The following MAP3K7 variants were observed in gnomAD, a reference collection of about 807,000 sequenced individuals.
MAP3K7 encodes TGF-beta activated kinase 1.
Under a neutral mutation model 84.8 loss-of-function variants are expected in MAP3K7, and 21 were observed. The ratio of observed to expected loss-of-function variants is 0.25; its 90% CI spans 0.18 to 0.36. The LOEUF (loss-of-function observed/expected upper bound fraction) is 0.36, where lower values mean the gene tolerates loss of function less well. MAP3K7 is among the 10% of genes least tolerant of loss of function. The pLI, the probability that MAP3K7 is intolerant of heterozygous loss-of-function variation, is 1.00. For synonymous variants in MAP3K7, 241 were observed against 247.7 expected, an observed-to-expected ratio of 0.97 and a Z score of 0.25; for missense variants, 503 against 747.7, an observed-to-expected ratio of 0.67 and a Z score of 3.82.
chr6:90,553,666 A>G, intron 6 of MAP3K7, 80 bp from the exon 7 acceptor site: 1 of 1,234,652 alleles, frequency 8.1e-7, no homozygotes, highest in African/African-American at 1.5e-5. Flanking sequence ...AAATTTTGAG[A>G]ATGGGTATCA....
At chr6:90,572,281 T>C (rs373481904) in intron 1 of MAP3K7, among the ~76,000 whole-genome samples, 4 of 152,004 alleles carry the variant, frequency 2.6e-5, no homozygotes, top group African/African-American at 9.7e-5. Flanking sequence ...GATATAAATA[T>C]AGATGTTAAA....
At chr6:90,539,096 C>T (rs941056221) in intron 12 of MAP3K7, among the ~76,000 whole-genome samples, 1 of 151,916 alleles carries the variant, frequency 6.6e-6, no homozygotes, top group South Asian at 2.1e-4. Flanking sequence ...ATTACTGCTT[C>T]ATGGTAAACT....
chr6:90,549,299 T>C (rs770438057), intron 9 of MAP3K7, among the ~76,000 whole-genome samples: 6 of 152,072 alleles, frequency 3.9e-5, no homozygotes, highest in African/African-American at 1.2e-4. Context: ...GAGGAGGTGT[T>C]TGAAGTCTGA....
chr6:90,522,248 A>G (rs1410716095), intron 14 of MAP3K7, among the ~76,000 whole-genome samples: 1 of 152,138 alleles, frequency 6.6e-6, no homozygotes, highest in Non-Finnish European at 1.5e-5. Context: ...GGAAGGTAGA[A>G]GCAACATATG....
intron 15 of MAP3K7, 112 bp from the exon 16 acceptor site, chr6:90,518,674 C>A: frequency 1.5e-6 from 1 of 654,058 alleles, no homozygotes; most frequent in Non-Finnish European, 2.7e-6. Flanking sequence ...AAGCAATGAT[C>A]TTTTAAAAAT....
chr6:90,565,584 C>A (rs1170278700), intron 3 of MAP3K7, among the ~76,000 whole-genome samples: 2 of 151,956 alleles, frequency 1.3e-5, no homozygotes, highest in African/African-American at 2.4e-5. Context: ...GCCTACCAAA[C>A]AAAAAAAGTC....
At chr6:90,538,947 T>C (rs1416816695) in intron 12 of MAP3K7, among the ~76,000 whole-genome samples, 1 of 151,932 alleles carries the variant, frequency 6.6e-6, no homozygotes, top group African/African-American at 2.4e-5. Flanking sequence ...TACATTTTCC[T>C]GGAGACTTCT....
In MAP3K7 at chr6:90,537,590, T is replaced by G. The variant is rs35902871; in HGVS notation, c.1292-1189A>C. ...TTGCAAATGTAAGACATCATCAGTT[T>G]TTTTCCATTTTAAGCTACGTTTTAT... On this transcript the variant is annotated intron_variant, in intron 12 of 16. Transcript: ENST00000369329. Among the ~76,000 whole-genome samples, 461 of 152,142 alleles carry G rather than the reference T, an allele frequency of 3.0e-3. 1 individual carries two copies. The highest frequency in any genetic ancestry group is 0.011 in the African/African-American group (439 of 41,550).
At position 90,516,632 on chromosome 6, in the gene MAP3K7, T is replaced by C. The variant is rs778400307; in HGVS notation, c.1690A>G (p.Thr564Ala). 13 of 1,611,292 alleles carry C rather than the reference T, an allele frequency of 8.1e-6. No individual in the cohort carries two copies. The highest frequency in any genetic ancestry group is 7.7e-5 in the South Asian group (7 of 90,592). Residue 564 changes from threonine to alanine, a missense_variant, in exon 17 of 17, where the codon ACA becomes GCA. Coordinates refer to ENST00000369329, the MANE Select transcript of MAP3K7 (RefSeq NM_145331.3). ...TTATGTTCCTGTACCAGGCGAGATG[T>C]ATTTTGCTGGTCCTTTTCATCCTGG... The part of the protein sequence containing the change: ...LDQDEKDQQN[T>A]SRLVQEHKKL...
intron 1 of MAP3K7, among the ~76,000 whole-genome samples, chr6:90,582,110 C>T (rs2127786008): frequency 6.6e-6 from 1 of 152,266 alleles, no homozygotes; most frequent in South Asian, 2.1e-4. Flanking sequence ...TTTTAGCACT[C>T]TGTAGTAAAG....
At chr6:90,557,357 T>C (rs1354977033) in intron 5 of MAP3K7, among the ~76,000 whole-genome samples, 1 of 152,186 alleles carries the variant, frequency 6.6e-6, no homozygotes, top group African/African-American at 2.4e-5. Flanking sequence ...TAATATCCAA[T>C]AGCAGTACAT....
At chr6:90,519,344 T>A in intron 14 of MAP3K7, 25 bp from the exon 15 acceptor site, 1 of 1,470,190 alleles carries the variant, frequency 6.8e-7, no homozygotes, top group Non-Finnish European at 9.3e-7. Flanking sequence ...TGTATTTTAT[T>A]GATTTTCTGT....
In MAP3K7 at chr6:90,552,121, A is replaced by G. The variant is rs1776197279; in HGVS notation, c.795T>C (p.Arg265=). The change falls in exon 8 of 17, where the codon CGT becomes CGC. Residue 265 remains arginine, a synonymous_variant. Coordinates refer to ENST00000369329, the MANE Select transcript of MAP3K7 (RefSeq NM_145331.3). The part of the protein sequence containing the change: ...LPKPIESLMT[R]CWSKDPSQRP... ...GCTGGGAAGGATCTTTAGACCAACA[A>G]CGAGTCATCAGGCTCTCAATGGGCT... The G allele has an allele frequency of 6.2e-7, 1 of 1,613,132 alleles. No homozygotes were observed. The highest frequency in any genetic ancestry group is 2.2e-5 in the East Asian group (1 of 44,840).
At chr6:90,527,477 G>A (rs1181819849) in intron 13 of MAP3K7, among the ~76,000 whole-genome samples, 1 of 138,334 alleles carries the variant, frequency 7.2e-6, no homozygotes, top group Non-Finnish European at 1.6e-5. Flanking sequence ...GTGTTGTGCA[G>A]GCTGGTCTTG....
chr6:90,519,868 C>A (rs375201266), intron 14 of MAP3K7, among the ~76,000 whole-genome samples: 11 of 152,026 alleles, frequency 7.2e-5, no homozygotes, highest in Admixed American at 7.2e-4. Context: ...CTGCAGAAAA[C>A]GAGATGTTGG....
In MAP3K7 at chr6:90,515,381, G is replaced by GT. The variant is rs1253056517; in HGVS notation, c.*1119dup. The GT allele has an allele frequency of 9.2e-5, 14 of 151,898 alleles. No homozygotes were observed. The highest frequency in any genetic ancestry group is 3.1e-4 in the African/African-American group (13 of 41,424). 9.4% of individuals were successfully genotyped at this position (151,898 alleles called of 1,614,324 possible). On this transcript the variant is annotated 3_prime_UTR_variant, in exon 17 of 17. Transcript: ENST00000369329. ...TTACTGTTAACAATATAAATACTCT[G>GT]TAAGTGTTGAAATTCTCTTGAAAGT...
intron 3 of MAP3K7, among the ~76,000 whole-genome samples, chr6:90,568,085 G>C (rs1776771752): frequency 2.6e-5 from 2 of 78,074 alleles, no homozygotes; most frequent in East Asian, 5.1e-4. Context: ...AGGTGGGAGG[G>C]ATAAGCATTA....
intron 13 of MAP3K7, among the ~76,000 whole-genome samples, chr6:90,527,758 A>G (rs1582167680): frequency 6.6e-6 from 1 of 151,308 alleles, no homozygotes; most frequent in East Asian, 2.0e-4. Context: ...ACAAGTGCTC[A>G]TTTTATTTTC....
intron 1 of MAP3K7, among the ~76,000 whole-genome samples, chr6:90,572,297 G>A (rs1466220885): frequency 2.0e-5 from 3 of 151,968 alleles, no homozygotes; most frequent in Admixed American, 1.3e-4. Flanking sequence ...TTAAAAGACC[G>A]GCTATGAAGG....
Sources: gnomAD v4.1 joint callset for allele counts (sites outside exome capture counted in the v4.1 genomes callset) on GRCh38, gnomAD v4.1.1 for gene constraint, MANE v1.5 for transcripts, NCBI Gene and HGNC (gene_info 2026-07-23, HGNC 2026-07-21) for gene names.